CCDC42: variants seen among roughly 807,000 people sequenced by gnomAD.
CCDC42 encodes coiled-coil domain-containing protein 42.
Under a neutral mutation model 40.8 loss-of-function variants are expected in CCDC42, and 38 were observed. The ratio of observed to expected loss-of-function variants is 0.93; its 90% CI spans 0.72 to 1.22. The LOEUF is 1.22. CCDC42 is among the 50% of genes most tolerant of loss of function. CCDC42 has a pLI of 0.00. For missense variants in CCDC42, 379 were observed against 416.5 expected, an observed-to-expected ratio of 0.91 and a Z score of 0.78; for synonymous variants, 135 against 157.5, an observed-to-expected ratio of 0.86 and a Z score of 1.07.
rs1029383635 is a variant in CCDC42, at chr17:8,735,120, C to A, written c.849G>T (p.Glu283Asp). 1.2e-6 allele frequency: 2 copies of A among 1,614,190 alleles called. No individual in the cohort carries two copies. Among genetic ancestry groups the A allele is most frequent in the Non-Finnish European group, 1.7e-6 (2 of 1,180,038 alleles). ...CCATGTCCAGCTGCTTGTGGGTGTC[C>A]TCCAGTGCCACCTCAGTCACCTCCT... Reference protein sequence around the residue: ...HLKEVTEVALEDTHKQLDMIQ... With the variant: ...HLKEVTEVALDDTHKQLDMIQ... Residue 283 changes from glutamate (E) to aspartate (D), a missense_variant, in exon 6 of 7, where the codon GAG becomes GAT. Glu to Asp is a conservative substitution (Grantham distance 45). Coordinates refer to ENST00000293845, the MANE Select transcript of CCDC42 (RefSeq NM_144681.3). This position sits in a 1 kb window ranked among gnomAD's most constrained non-coding sequence, Gnocchi z 4.7.
At chr17:8,731,503 A>G (rs1489708916) in intron 6 of CCDC42, among the ~76,000 whole-genome samples, 3 of 152,202 alleles carry the variant, frequency 2.0e-5, no homozygotes, top group African/African-American at 7.2e-5. Context: ...ATCAACCTAA[A>G]TGCCCATCAA....
At chr17:8,740,254 C>A (rs2151139604) in intron 4 of CCDC42, among the ~76,000 whole-genome samples, 1 of 151,960 alleles carries the variant, frequency 6.6e-6, no homozygotes, top group Non-Finnish European at 1.5e-5. Context: ...ACTTTGGGAG[C>A]CCAAGGCAGG....
In CCDC42 at chr17:8,735,537, C is replaced by T. The variant is rs367796885; in HGVS notation, c.567G>A (p.Ala189=). The T allele has an allele frequency of 5.0e-5, 81 of 1,614,114 alleles. 1 individual carries two copies. Among genetic ancestry groups the T allele is most frequent in the South Asian group, 2.2e-4 (20 of 91,086 alleles). Residue 189 remains alanine (A), a synonymous_variant, in exon 5 of 7, where the codon GCG becomes GCA. Coordinates refer to ENST00000293845, the MANE Select transcript of CCDC42 (RefSeq NM_144681.3). This position sits in a 1 kb window ranked among gnomAD's most constrained non-coding sequence, Gnocchi z 4.7. ...VSMRHDLMQS[A]QEGQEKIERA... is the part of the protein sequence containing the mutation. ...GCTCAATCTTCTCCTGGCCTTCCTGCGCAGACTGCATGAGGTCGTGGCGCA... is the reference window on the plus strand; with the variant it reads ...GCTCAATCTTCTCCTGGCCTTCCTGTGCAGACTGCATGAGGTCGTGGCGCA...
intron 4 of CCDC42, among the ~76,000 whole-genome samples, chr17:8,737,935 C>T (rs1200662662): frequency 6.6e-6 from 1 of 152,234 alleles, no homozygotes; most frequent in Admixed American, 6.5e-5. Flanking sequence ...CCTGCCTCAG[C>T]CTCCCAAGTA....
Position 8,743,906 on chromosome 17 carries a change from AC to A in CCDC42, c.189+172del, listed in dbSNP as rs111757024. Among the ~76,000 whole-genome samples, 1,420 of 151,878 alleles carry A rather than the reference AC, an allele frequency of 9.3e-3. 16 individuals are homozygous for A. Among genetic ancestry groups the A allele is most frequent in the African/African-American group, 0.031 (1,301 of 41,408 alleles). On this transcript the variant is annotated intron_variant, in intron 2 of 6. Coordinates refer to ENST00000293845, the MANE Select transcript of CCDC42 (RefSeq NM_144681.3). ...GAGCAGAGCATCCCTGGACAGTGGT[AC>A]CCCCAAGACCCAGATCCTTTCTGTT...
At chr17:8,733,634 G>A (rs897613479) in intron 6 of CCDC42, among the ~76,000 whole-genome samples, 1 of 152,192 alleles carries the variant, frequency 6.6e-6, no homozygotes, top group African/African-American at 2.4e-5. Flanking sequence ...GGGATTACAG[G>A]TGCCTGCCAC....
rs779269280 is a variant in CCDC42, at chr17:8,744,784, C to T, written c.-175G>A. The T allele has an allele frequency of 1.1e-5, 7 of 618,064 alleles. No individual in the cohort carries two copies. Among genetic ancestry groups the T allele is most frequent in the Non-Finnish European group, 2.0e-5 (7 of 343,746 alleles). 38.3% of individuals were successfully genotyped at this position (618,064 alleles called of 1,614,324 possible). On this transcript the variant is annotated 5_prime_UTR_variant, in exon 1 of 7. Coordinates refer to ENST00000293845, the MANE Select transcript of CCDC42 (RefSeq NM_144681.3). Reference sequence around the variant, plus strand: ...AGAAGGTGGCTGGAGACAGGTTGGGCGGCTCAGGACGATGTGCTGGGGCAG... The same window carrying T: ...AGAAGGTGGCTGGAGACAGGTTGGGTGGCTCAGGACGATGTGCTGGGGCAG...
intron 4 of CCDC42, among the ~76,000 whole-genome samples, chr17:8,739,535 A>AT (rs958851267): frequency 5.9e-5 from 9 of 151,384 alleles, no homozygotes; most frequent in African/African-American, 2.2e-4. Context: ...ACATCTTACA[A>AT]TTTTTTTTTG....
At chr17:8,742,830 T>C (rs984992677) in intron 3 of CCDC42, among the ~76,000 whole-genome samples, 12 of 152,212 alleles carry the variant, frequency 7.9e-5, no homozygotes, top group African/African-American at 2.9e-4. Flanking sequence ...TCTCTGGGAA[T>C]TGAAGCTACT....
rs781307777 is a variant in CCDC42 at position 8,741,483 on chromosome 17, C to A, written c.483G>T (p.Glu161Asp). 1 of 1,614,194 alleles carries A rather than the reference C, an allele frequency of 6.2e-7. No individual in the cohort carries two copies. The highest frequency in any genetic ancestry group is 1.1e-5 in the South Asian group (1 of 91,066). Residue 161 changes from glutamate to aspartate, a missense_variant, in exon 4 of 7, where the codon GAG (glutamate) becomes GAT (aspartate). By Grantham distance (45) the Glu-to-Asp change is conservative. Coordinates refer to ENST00000293845, the MANE Select transcript of CCDC42 (RefSeq NM_144681.3). ...TGCTCCTTGGACTCACCTCGGAGTT[C>A]TCCACCACCTTCTCTAGGTACTTGT... is the stretch of plus-strand genomic sequence containing the variant. ...IFNKYLEKVV[E>D]NSEFEEIHEV...
chr17:8,733,493 C>T (rs1172814530), intron 6 of CCDC42, among the ~76,000 whole-genome samples: 1 of 152,152 alleles, frequency 6.6e-6, no homozygotes, highest in African/African-American at 2.4e-5. Flanking sequence ...AGGGCAGCAT[C>T]TCCCAGTGAA....
intron 4 of CCDC42, among the ~76,000 whole-genome samples, chr17:8,740,314 C>G (rs2086634468): frequency 6.6e-6 from 1 of 151,848 alleles, no homozygotes; most frequent in Non-Finnish European, 1.5e-5. Flanking sequence ...CATGGTGAAA[C>G]CCATCTCTAC....
chr17:8,744,645 T>C lies in CCDC42; in HGVS notation c.-36A>G. On this transcript the variant is annotated 5_prime_UTR_variant, in exon 1 of 7. Coordinates refer to ENST00000293845, the MANE Select transcript of CCDC42 (RefSeq NM_144681.3). ...ACCTCACGGCCCAGGCAGCTGACTC[T>C]TCACAGTGAAATTGTGGGTAGCAGA... The C allele has an allele frequency of 2.0e-6, 3 of 1,509,438 alleles. No individual in the cohort carries two copies. The highest frequency in any genetic ancestry group is 2.8e-6 in the Non-Finnish European group (3 of 1,088,914). The allele number at this position is 1,509,438 out of a possible 1,614,324, so 93.5% of individuals were successfully genotyped here.
rs374917652 is a variant in CCDC42 at position 8,741,566 on chromosome 17, C to T, written c.400G>A (p.Ala134Thr). The change falls in exon 4 of 7, where the codon GCG becomes ACG. Residue 134 changes from alanine (A) to threonine (T), a missense_variant. Ala to Thr is a moderately conservative substitution (Grantham distance 58). Transcript: ENST00000293845. ...ELTKRKQEMVALRLEHQRLSA... is the reference protein window; with the variant it reads ...ELTKRKQEMVTLRLEHQRLSA... Reference sequence around the variant, plus strand: ...AGCCGCTGGTGCTCCAGCCGCAGCGCCACCATCTCCTGCTTGCGCTTGGTC... The same window carrying T: ...AGCCGCTGGTGCTCCAGCCGCAGCGTCACCATCTCCTGCTTGCGCTTGGTC... The T allele has an allele frequency of 7.4e-6, 12 of 1,614,226 alleles. No homozygotes were observed. Among genetic ancestry groups the T allele is most frequent in the Non-Finnish European group, 9.3e-6 (11 of 1,180,046 alleles).
chr17:8,741,291 C>T (rs1018919994), intron 4 of CCDC42, among the ~76,000 whole-genome samples, 183 bp downstream of exon 4: 1 of 152,160 alleles, frequency 6.6e-6, no homozygotes, highest in Non-Finnish European at 1.5e-5. Context: ...CTCCCCAGTG[C>T]CCCCCAGGGC....
intron 6 of CCDC42, among the ~76,000 whole-genome samples, chr17:8,731,613 A>G (rs1322815733): frequency 1.3e-5 from 2 of 152,240 alleles, no homozygotes; most frequent in Non-Finnish European, 2.9e-5. Flanking sequence ...ACATGGATGG[A>G]GGTGGAGGTC....
In CCDC42 at chr17:8,741,681, G is replaced by T. The variant is rs573081988; in HGVS notation, c.295-10C>A. On this transcript the variant is annotated splice_polypyrimidine_tract_variant and intron_variant, in intron 3 of 6. Coordinates refer to ENST00000293845, the MANE Select transcript of CCDC42 (RefSeq NM_144681.3). ...GTTTCTGGTCGTTCTCCTGGGGCCC[G>T]GGGAGGTGGCGCTGGTCAGGAAGCC... The T allele has an allele frequency of 6.2e-7, 1 of 1,610,442 alleles. No homozygotes were observed. Among genetic ancestry groups the T allele is most frequent in the Non-Finnish European group, 8.5e-7 (1 of 1,179,202 alleles).
intron 3 of CCDC42, 21 bp from the exon 4 acceptor site, chr17:8,741,692 G>A (rs79895013): frequency 0.053 from 85,246 of 1,607,604 alleles, 2,442 homozygotes; most frequent in Middle Eastern, 0.068. Flanking sequence ...GGGAGGTGGC[G>A]CTGGTCAGGA....
At chr17:8,731,860 T>G (rs1353674667) in intron 6 of CCDC42, among the ~76,000 whole-genome samples, 1 of 152,152 alleles carries the variant, frequency 6.6e-6, no homozygotes, top group Admixed American at 6.5e-5. Flanking sequence ...TGACATGAGT[T>G]TACCTATATA....
Sources: gnomAD v4.1 joint callset for allele counts (sites outside exome capture counted in the v4.1 genomes callset) on GRCh38, gnomAD v4.1.1 for gene constraint, Gnocchi (gnomAD v3.1) non-coding constraint, MANE v1.5 for transcripts, NCBI Gene and HGNC (gene_info 2026-07-23, HGNC 2026-07-21) for gene names.